RUBCNL: variants seen among roughly 807,000 people sequenced by gnomAD.
RUBCNL encodes rubicon like autophagy enhancer.
In RUBCNL, 62 loss-of-function variants were observed where a neutral mutation model predicts 69.5. The ratio of observed to expected loss-of-function variants is 0.89; its 90% confidence interval spans 0.73 to 1.10. The LOEUF (loss-of-function observed/expected upper bound fraction) is 1.10. Among genes scored for constraint, RUBCNL ranks in the 50% least tolerant of loss-of-function variants. RUBCNL has a pLI of 0.00. For synonymous variants in RUBCNL, 291 were observed against 303.6 expected (o/e 0.96, Z 0.43); for missense variants, 768 against 798.1 (o/e 0.96, Z 0.45).
chr13:46,373,197 C>G (rs1314248764), intron 2 of RUBCNL, among the ~76,000 whole-genome samples: 3 of 152,164 alleles, frequency 2.0e-5, no homozygotes, highest in Non-Finnish European at 4.4e-5. Context: ...TGGTTTCAAA[C>G]TCCTGACCTC....
rs1186824533 is a variant in RUBCNL at position 46,345,503 on chromosome 13, C to A, written c.1729G>T (p.Ala577Ser). The A allele has an allele frequency of 1.2e-6, 2 of 1,603,668 alleles. No individual in the cohort carries two copies. Among genetic ancestry groups the A allele is most frequent in the Non-Finnish European group, 1.7e-6 (2 of 1,175,144 alleles). The change falls in exon 13 of 15, where the codon GCA (alanine) becomes TCA (serine). Residue 577 changes from alanine (A) to serine (S), a missense_variant. Coordinates refer to ENST00000429979, the MANE Select transcript of RUBCNL (RefSeq NM_025113.5). ...TTCAGAATGTCCTTGAGTAAGGGTG[C>A]CAGCAGCCCTTTCTTGATCCTGACC... ...DLVRIKKGLL[A>S]PLLKDILKAS...
upstream of RUBCNL, among the ~76,000 whole-genome samples, chr13:46,388,305 A>AGAAGGAAG (rs545789180): frequency 1.4e-5 from 2 of 139,140 alleles, no homozygotes; most frequent in African/African-American, 5.5e-5. Context: ...GAGGGAGGGA[A>AGAAGGAAG]GAAGGAAGGA....
At chr13:46,388,134 G>T (rs1398568263), upstream of RUBCNL, among the ~76,000 whole-genome samples, 1 of 150,408 alleles carries the variant, frequency 6.6e-6, no homozygotes, top group Non-Finnish European at 1.5e-5. Flanking sequence ...AACCCGGGAG[G>T]CGGAGGTTGC....
chr13:46,377,871 G>A lies in RUBCNL; in HGVS notation c.-123+19C>T. 2.0e-6 allele frequency: 3 copies of A among 1,475,296 alleles called. No individual in the cohort carries two copies. The highest frequency in any genetic ancestry group is 2.8e-6 in the Non-Finnish European group (3 of 1,059,856). 91.4% of individuals were successfully genotyped at this position (1,475,296 alleles called of 1,614,324 possible). The stretch of plus-strand genomic sequence containing the variant: ...GGGCAGTGGCAGAGAGAAGACAAAA[G>A]GCCAGGTCGGACACTCACCAGGAGT... On this transcript the variant is annotated intron_variant, in intron 2 of 14. Coordinates refer to ENST00000429979, the MANE Select transcript of RUBCNL (RefSeq NM_025113.5).
chr13:46,371,099 T>C (rs1036312831), intron 3 of RUBCNL, among the ~76,000 whole-genome samples: 1 of 152,160 alleles, frequency 6.6e-6, no homozygotes, highest in South Asian at 2.1e-4. Context: ...ATAAACTCCA[T>C]ATTTTAGGTA....
chr13:46,358,702 C>A (rs987063425), intron 9 of RUBCNL, among the ~76,000 whole-genome samples: 6 of 152,054 alleles, frequency 3.9e-5, no homozygotes, highest in Non-Finnish European at 7.4e-5. Context: ...TAGAGGGCTG[C>A]ACCCACCACA....
chr13:46,364,944 C>T (rs1424111102), intron 5 of RUBCNL, among the ~76,000 whole-genome samples: 1 of 152,120 alleles, frequency 6.6e-6, no homozygotes, highest in Non-Finnish European at 1.5e-5. Context: ...ATACCTATTT[C>T]AGACAAGGCA....
intron 2 of RUBCNL, among the ~76,000 whole-genome samples, chr13:46,373,256 G>A: frequency 6.6e-6 from 1 of 152,174 alleles, no homozygotes; most frequent in East Asian, 1.9e-4. Flanking sequence ...TTACATGCAT[G>A]AGCCACTGCG....
At chr13:46,346,357 C>A (rs1182648437) in intron 12 of RUBCNL, among the ~76,000 whole-genome samples, 1 of 152,186 alleles carries the variant, frequency 6.6e-6, no homozygotes, top group African/African-American at 2.4e-5. Flanking sequence ...CCACCTTACT[C>A]TTCAAGCTCA....
chr13:46,343,581 G>T, intron 14 of RUBCNL, 84 bp from the exon 15 acceptor site: 2 of 1,378,948 alleles, frequency 1.5e-6, no homozygotes, highest in Non-Finnish European at 2.0e-6. Flanking sequence ...ATCCTAGGGA[G>T]GGAGAGGGGT....
Position 46,336,551 on chromosome 13 carries a change from C to G in RUBCNL, c.*6834G>C, listed in dbSNP as rs146094775. ...TGAAATTCATTATAGTCTAGCTTTTCTTAGCTAGACTTTTTTATTTTATTA... is the reference window on the plus strand; with the variant it reads ...TGAAATTCATTATAGTCTAGCTTTTGTTAGCTAGACTTTTTTATTTTATTA... On this transcript the variant is annotated 3_prime_UTR_variant, in exon 15 of 15. Coordinates refer to ENST00000429979, the MANE Select transcript of RUBCNL (RefSeq NM_025113.5). Among the ~76,000 whole-genome samples the G allele has an allele frequency of 6.6e-3, 989 of 149,054 alleles. 9 individuals are homozygous for G. The highest frequency in any genetic ancestry group is 0.01 in the Non-Finnish European group (671 of 66,514).
In RUBCNL at chr13:46,342,207, AAC is replaced by A. The variant is rs1452582747; in HGVS notation, c.*1176_*1177del. ...TGCTCAGTACTATCCCATTGAATAAAACACACTCATACACATGGCTGGATGGG... is the reference window on the plus strand; with the variant it reads ...TGCTCAGTACTATCCCATTGAATAAAACACTCATACACATGGCTGGATGGG... On this transcript the variant is annotated 3_prime_UTR_variant, in exon 15 of 15. Coordinates refer to ENST00000429979, the MANE Select transcript of RUBCNL (RefSeq NM_025113.5). The A allele has an allele frequency of 6.6e-6, 1 of 152,204 alleles. No individual in the cohort carries two copies. The highest frequency in any genetic ancestry group is 2.4e-5 in the African/African-American group (1 of 41,448). 9.4% of individuals were successfully genotyped at this position (152,204 alleles called of 1,614,324 possible).
At chr13:46,344,715 G>A (rs754083298) in intron 14 of RUBCNL, 26 bp downstream of exon 14, 1 of 1,457,360 alleles carries the variant, frequency 6.9e-7, no homozygotes, top group Non-Finnish European at 9.5e-7. Context: ...CTATTATTAA[G>A]CTTATGTTAT....
chr13:46,363,350 G>T (rs907971631), intron 5 of RUBCNL, 137 bp from the exon 6 acceptor site: 3 of 341,350 alleles, frequency 8.8e-6, no homozygotes, highest in Non-Finnish European at 1.6e-5. Context: ...TCAACTTAAA[G>T]AATTAAAAAA....
In RUBCNL at chr13:46,345,432, T is replaced by C. The variant is rs1594129195; in HGVS notation, c.1785+15A>G. On this transcript the variant is annotated intron_variant, in intron 13 of 14. Coordinates refer to ENST00000429979, the MANE Select transcript of RUBCNL (RefSeq NM_025113.5). ...TGGTGCATCGGGAACGAATCTGCTC[T>C]GGGTGCACCCTCACCTCACAGCCAG... The C allele has an allele frequency of 1.9e-6, 3 of 1,553,408 alleles. No homozygotes were observed. The highest frequency in any genetic ancestry group is 1.4e-5 in the African/African-American group (1 of 73,260).
In RUBCNL at chr13:46,350,369, G is replaced by A. The variant is rs1341436399; in HGVS notation, c.1331-18C>T. ...CACAAACTCTGCCAAGCATACCGGA[G>A]GGTGAGTGCCACACCTGGTGCTGAA... On this transcript the variant is annotated intron_variant, in intron 10 of 14. Transcript: ENST00000429979. 6 of 1,510,120 alleles carry A rather than the reference G, an allele frequency of 4.0e-6. No homozygotes were observed. Among genetic ancestry groups the A allele is most frequent in the Middle Eastern group, 1.7e-4 (1 of 5,818 alleles). 93.5% of individuals were successfully genotyped at this position (1,510,120 alleles called of 1,614,324 possible). A position where few individuals can be genotyped will look rare whatever the true frequency, so the allele number is the denominator to read the frequency against.
rs2048113612 is a variant in RUBCNL, at chr13:46,337,810, A to G, written c.*5575T>C. ...AATAAAGGTTTATTCTTGCTTGTAA[A>G]AAGTCCAATGCAGGCACCGCACTCC... On this transcript the variant is annotated 3_prime_UTR_variant, in exon 15 of 15. Transcript: ENST00000429979. Among the ~76,000 whole-genome samples, 1 of 152,198 alleles carries G rather than the reference A, an allele frequency of 6.6e-6. No homozygotes were observed. The highest frequency in any genetic ancestry group is 1.5e-5 in the Non-Finnish European group (1 of 68,034).
At chr13:46,366,251 G>A (rs1254170359) in intron 5 of RUBCNL, among the ~76,000 whole-genome samples, 1 of 152,192 alleles carries the variant, frequency 6.6e-6, no homozygotes, top group Non-Finnish European at 1.5e-5. Context: ...CCAAGGTAAG[G>A]CCCATCAGGT....
At chr13:46,359,718 A>G in intron 8 of RUBCNL, 87 bp from the exon 9 acceptor site, 1 of 1,266,378 alleles carries the variant, frequency 7.9e-7, no homozygotes. Context: ...TATTTCCAAC[A>G]TTAAAATTTA....
Sources: gnomAD v4.1 joint callset for allele counts (sites outside exome capture counted in the v4.1 genomes callset) on GRCh38, gnomAD v4.1.1 for gene constraint, MANE v1.5 for transcripts, NCBI Gene and HGNC (gene_info 2026-07-23, HGNC 2026-07-21) for gene names.